SYNPR: variants seen among roughly 807,000 people sequenced by gnomAD.
SYNPR encodes synaptoporin.
In SYNPR, 23 loss-of-function variants were observed where a neutral mutation model predicts 32.9. That is an observed-to-expected ratio of 0.70 (90% CI 0.50 to 0.99). SYNPR has a LOEUF of 0.99. Among genes scored for constraint, SYNPR ranks in the 50% least tolerant of loss-of-function variants. SYNPR has a pLI of 0.00. For synonymous variants in SYNPR, 146 were observed against 135.9 expected, an observed-to-expected ratio of 1.07 and a Z score of -0.52; for missense variants, 318 against 349.3, an observed-to-expected ratio of 0.91 and a Z score of 0.71.
chr3:63,414,981 A>G (rs1284966761), intron 2 of SYNPR, among the ~76,000 whole-genome samples: 1 of 152,222 alleles, frequency 6.6e-6, no homozygotes, highest in Admixed American at 6.5e-5. Context: ...CTGGCTCACC[A>G]GAGCCCACTG....
At chr3:63,541,271 AC>A (rs1702297969) in intron 3 of SYNPR, among the ~76,000 whole-genome samples, 1 of 151,836 alleles carries the variant, frequency 6.6e-6, no homozygotes, top group Non-Finnish European at 1.5e-5. Flanking sequence ...TTGACAATAA[AC>A]AAGAGACACA....
intron 3 of SYNPR, among the ~76,000 whole-genome samples, chr3:63,269,496 A>G (rs1051964105): frequency 6.6e-6 from 1 of 152,144 alleles, no homozygotes; most frequent in Non-Finnish European, 1.5e-5. Context: ...AGAAAAAAAA[A>G]AGGAAAAGAA....
intron 2 of SYNPR, among the ~76,000 whole-genome samples, chr3:63,418,972 T>C (rs2088575021): frequency 6.6e-6 from 1 of 152,232 alleles, no homozygotes; most frequent in Non-Finnish European, 1.5e-5. Flanking sequence ...ATAATTTTCA[T>C]GAATTTTTAA....
intron 2 of SYNPR, among the ~76,000 whole-genome samples, chr3:63,356,080 T>A (rs1234839811): frequency 6.6e-6 from 1 of 152,220 alleles, no homozygotes; most frequent in Non-Finnish European, 1.5e-5. Flanking sequence ...GAATAAGACA[T>A]CATGTTGTTC....
chr3:63,494,502 T>C (rs13059539), intron 3 of SYNPR, among the ~76,000 whole-genome samples: 4,245 of 107,122 alleles, frequency 0.04, 214 homozygotes, highest in African/African-American at 0.086. Context: ...TATATACATA[T>C]ATACATATAT....
intron 3 of SYNPR, among the ~76,000 whole-genome samples, chr3:63,535,917 C>CA (rs967655155): frequency 6.6e-6 from 1 of 151,638 alleles, no homozygotes; most frequent in Admixed American, 6.6e-5. Context: ...TAGACAACCA[C>CA]AAAAAAATAG....
chr3:63,342,647 T>C (rs1198772032), intron 2 of SYNPR, among the ~76,000 whole-genome samples: 1 of 152,240 alleles, frequency 6.6e-6, no homozygotes, highest in African/African-American at 2.4e-5. Flanking sequence ...TTGGAAAGTG[T>C]TCCCTCCTCT....
chr3:63,481,184 A>G (rs923218070), intron 3 of SYNPR, among the ~76,000 whole-genome samples: 2 of 151,288 alleles, frequency 1.3e-5, no homozygotes, highest in African/African-American at 4.9e-5. Flanking sequence ...TCAAAAAAAA[A>G]GAAAAAATAC....
intron 3 of SYNPR, among the ~76,000 whole-genome samples, chr3:63,500,332 T>C (rs528186594): frequency 6.6e-6 from 1 of 152,214 alleles, no homozygotes; most frequent in East Asian, 1.9e-4. Flanking sequence ...GGAAACACTG[T>C]CCTAGAGAAA....
chr3:63,574,344 C>T (rs914829729), intron 4 of SYNPR, among the ~76,000 whole-genome samples: 2 of 152,102 alleles, frequency 1.3e-5, no homozygotes, highest in African/African-American at 2.4e-5. Context: ...TGCATTTATT[C>T]ATCAAGCATT....
intron 2 of SYNPR, among the ~76,000 whole-genome samples, chr3:63,301,107 A>C (rs1394420237): frequency 6.6e-6 from 1 of 152,130 alleles, no homozygotes; most frequent in Non-Finnish European, 1.5e-5. Flanking sequence ...GTCATCTTAC[A>C]TCTCTTTCTG....
chr3:63,251,623 G>A (rs1252608074), intron 1 of SYNPR, among the ~76,000 whole-genome samples: 1 of 152,126 alleles, frequency 6.6e-6, no homozygotes, highest in African/African-American at 2.4e-5. Context: ...AATTCCCTGT[G>A]TCTGAGAGCA....
intron 3 of SYNPR, among the ~76,000 whole-genome samples, chr3:63,505,424 G>A (rs1218924474): frequency 6.6e-6 from 1 of 152,082 alleles, no homozygotes; most frequent in Non-Finnish European, 1.5e-5. Context: ...ATACTGGTGA[G>A]AAGTAAAAAT....
In SYNPR at chr3:63,457,103, A is replaced by C. The variant is rs565178478; in HGVS notation, c.85-23729A>C. 1.4e-4 allele frequency among the ~76,000 whole-genome samples: 21 copies of C among 151,558 alleles called. No homozygotes were observed. The South Asian group carries it at 4.4e-3, about 32-fold the overall frequency. On this transcript the variant is annotated intron_variant, in intron 2 of 5. Coordinates refer to ENST00000478300, the MANE Select transcript of SYNPR (RefSeq NM_001130003.2). Reference sequence around the variant, plus strand: ...AGTGGGGCTATCACCTTCCAAGCTAAGAATGCCTTTTGTAGCTTGCCTTGA... The same window carrying C: ...AGTGGGGCTATCACCTTCCAAGCTACGAATGCCTTTTGTAGCTTGCCTTGA...
intron 2 of SYNPR, among the ~76,000 whole-genome samples, chr3:63,480,281 T>C (rs1482830332): frequency 5.3e-5 from 8 of 152,202 alleles, no homozygotes; most frequent in Non-Finnish European, 7.4e-5. Flanking sequence ...AGCTGAAATA[T>C]ACTGAGATCT....
the SYNPR span, among the ~76,000 whole-genome samples, chr3:63,211,721 TATTATAC>T: frequency 7.1e-6 from 1 of 141,342 alleles, no homozygotes; most frequent in African/African-American, 2.6e-5. Flanking sequence ...TTTTTTTTTT[TATTATAC>T]TTTAAGTTTT....
chr3:63,530,075 G>A (rs1702083830), intron 3 of SYNPR, among the ~76,000 whole-genome samples: 3 of 152,144 alleles, frequency 2.0e-5, no homozygotes, highest in African/African-American at 4.8e-5. Context: ...GCCTGTGAGG[G>A]CCAGTGAGTA....
chr3:63,411,710 C>A (rs1403317737), intron 2 of SYNPR, among the ~76,000 whole-genome samples: 3 of 152,008 alleles, frequency 2.0e-5, no homozygotes, highest in Non-Finnish European at 2.9e-5. Flanking sequence ...ATTTGAAGAA[C>A]TGCAAAGCTG....
intron 2 of SYNPR, among the ~76,000 whole-genome samples, chr3:63,446,715 T>G (rs1401363858): frequency 1.3e-5 from 2 of 152,094 alleles, no homozygotes; most frequent in Admixed American, 6.6e-5. Context: ...TTTGCTAAAT[T>G]TACCCAAACT....
Sources: gnomAD v4.1 joint callset for allele counts (sites outside exome capture counted in the v4.1 genomes callset) on GRCh38, gnomAD v4.1.1 for gene constraint, MANE v1.5 for transcripts, NCBI Gene and HGNC (gene_info 2026-07-23, HGNC 2026-07-21) for gene names.